BLTP1: variants seen among roughly 807,000 people sequenced by gnomAD.
BLTP1 encodes fragile site-associated protein.
At chr4:122,314,660 T>A in the BLTP1 span, among the ~76,000 whole-genome samples, 2 of 152,134 alleles carry the variant, frequency 1.3e-5, no homozygotes, top group Non-Finnish European at 2.9e-5. Flanking sequence ...AAGCCTAGCC[T>A]TAGTGCTCAT....
the BLTP1 span, chr4:122,313,762 C>CT: frequency 1.1e-6 from 1 of 887,338 alleles, no homozygotes; most frequent in Middle Eastern, 3.1e-4. Flanking sequence ...AATCTTTTGG[C>CT]TAAGCTAATT....
the BLTP1 span, among the ~76,000 whole-genome samples, chr4:122,178,691 T>G: frequency 6.6e-6 from 1 of 152,224 alleles, no homozygotes; most frequent in Non-Finnish European, 1.5e-5. Context: ...TTTCAGCTTT[T>G]ATTCCATTAT....
chr4:122,239,416 A>G, the BLTP1 span: 1 of 985,124 alleles, frequency 1.0e-6, no homozygotes, highest in African/African-American at 1.6e-5. Flanking sequence ...CTTGTAAAGT[A>G]CATGATTAAA....
At chr4:122,262,634 C>T in the BLTP1 span, 2 of 1,077,430 alleles carry the variant, frequency 1.9e-6, no homozygotes, top group East Asian at 5.0e-5. Context: ...TCCTAGTATA[C>T]ATGATCAGTT....
chr4:122,276,556 G>A, the BLTP1 span: 12 of 985,178 alleles, frequency 1.2e-5, no homozygotes, highest in African/African-American at 3.5e-5. Context: ...CATCTAGAGA[G>A]CCATTTGCAT....
the BLTP1 span, chr4:122,351,205 T>C: frequency 5.1e-6 from 4 of 777,980 alleles, no homozygotes; most frequent in Non-Finnish European, 6.2e-6. Context: ...AGGATAGCTT[T>C]TTAATAACTT....
the BLTP1 span, chr4:122,247,008 C>T: frequency 4.0e-4 from 510 of 1,290,402 alleles, 4 homozygotes; most frequent in Middle Eastern, 0.011. Flanking sequence ...TTCATAGTAT[C>T]TTTCAGTAAA....
At chr4:122,193,956 G>A in the BLTP1 span, among the ~76,000 whole-genome samples, 1 of 151,666 alleles carries the variant, frequency 6.6e-6, no homozygotes, top group African/African-American at 2.4e-5. Flanking sequence ...TCCGCCTCCC[G>A]GGTTCACGCC....
chr4:122,175,015 T>G, the BLTP1 span: 1 of 938,042 alleles, frequency 1.1e-6, no homozygotes, highest in African/African-American at 1.8e-5. Context: ...TTAGAGATAA[T>G]AAGTTTATAG....
chr4:122,356,510 C>T, the BLTP1 span: 1 of 1,097,678 alleles, frequency 9.1e-7, no homozygotes, highest in East Asian at 2.4e-5. Flanking sequence ...ACAGATATTA[C>T]TCATTTCTTT....
At chr4:122,209,537 T>C in the BLTP1 span, among the ~76,000 whole-genome samples, 5 of 152,166 alleles carry the variant, frequency 3.3e-5, no homozygotes, top group African/African-American at 1.2e-4. Context: ...CCTAGCTACC[T>C]GGGAGGCTAA....
At chr4:122,253,324 A>G in the BLTP1 span, among the ~76,000 whole-genome samples, 52 of 152,286 alleles carry the variant, frequency 3.4e-4, no homozygotes, top group African/African-American at 1.2e-3. Context: ...GGCACCAGAG[A>G]CTAATCCCAG....
the BLTP1 span, among the ~76,000 whole-genome samples, chr4:122,342,014 G>A: frequency 1.3e-5 from 2 of 152,184 alleles, no homozygotes; most frequent in South Asian, 4.1e-4. Context: ...GAAAGGTTTA[G>A]AGAGATAGGA....
the BLTP1 span, among the ~76,000 whole-genome samples, chr4:122,205,641 T>C: frequency 1.6e-4 from 17 of 105,700 alleles, 1 homozygote; most frequent in East Asian, 2.7e-4. Flanking sequence ...TTCCCCCCCC[T>C]TCTCTCTCTC....
At chr4:122,223,762 A>G in the BLTP1 span, among the ~76,000 whole-genome samples, 3 of 152,170 alleles carry the variant, frequency 2.0e-5, no homozygotes, top group African/African-American at 7.2e-5. Context: ...GACCAGGATG[A>G]GAGCACTGAA....
chr4:122,225,825 TAC>T, the BLTP1 span: 2 of 152,148 alleles, frequency 1.3e-5, no homozygotes, highest in African/African-American at 4.8e-5. Context: ...TCCCTAAGTA[TAC>T]TAGTAAAAAC....
the BLTP1 span, chr4:122,309,552 A>G: frequency 1.9e-5 from 25 of 1,289,376 alleles, no homozygotes; most frequent in Non-Finnish European, 2.5e-5. Context: ...ATGCTTAGAT[A>G]TAGCAAATGT....
At chr4:122,356,469 T>C in the BLTP1 span, 2 of 793,684 alleles carry the variant, frequency 2.5e-6, no homozygotes, top group South Asian at 3.8e-5. Context: ...GGGAAGTGCT[T>C]AACAAACTAT....
At chr4:122,261,262 C>CT in the BLTP1 span, 1 of 983,264 alleles carries the variant, frequency 1.0e-6, no homozygotes, top group Non-Finnish European at 1.2e-6. Context: ...TCTGTCTTAG[C>CT]TTTTTTTCCT....
Sources: allele counts gnomAD v4.1 joint callset (sites outside exome capture counted in the v4.1 genomes callset), GRCh38; gene constraint gnomAD v4.1.1; transcripts MANE v1.5; gene names NCBI Gene and HGNC (gene_info 2026-07-23, HGNC 2026-07-21).